The following PCCB variants were observed in gnomAD, a reference collection of about 807,000 sequenced individuals.
PCCB encodes propionyl-CoA carboxylase subunit beta, also known as propionyl-CoA carboxylase beta chain, mitochondrial.
PCCB carries 43 observed loss-of-function variants against 60.7 expected under a neutral mutation model. The ratio of observed to expected loss-of-function variants is 0.71; its 90% CI spans 0.55 to 0.91. The LOEUF is 0.91. PCCB is among the 40% of genes least tolerant of loss of function. PCCB has a pLI of 0.00. For missense variants in PCCB, 766 were observed against 702.8 expected, an observed-to-expected ratio of 1.09 and a Z score of -1.02; for synonymous variants, 276 against 255.9, an observed-to-expected ratio of 1.08 and a Z score of -0.75.
intron 10 of PCCB, among the ~76,000 whole-genome samples, chr3:136,317,689 A>T (rs985992279): frequency 2.0e-5 from 3 of 152,162 alleles, no homozygotes; most frequent in Non-Finnish European, 4.4e-5. Context: ...CCCACTAATC[A>T]TGAGCTCCAT....
intron 9 of PCCB, among the ~76,000 whole-genome samples, chr3:136,308,310 C>T (rs554621541): frequency 8.6e-5 from 13 of 151,196 alleles, no homozygotes; most frequent in South Asian, 4.2e-4. Flanking sequence ...CTCAGCCCAC[C>T]GCAACTTCCA....
chr3:136,303,683 A>G lies in PCCB; in HGVS notation c.966+2572A>G, dbSNP rs1576343545. On this transcript the variant is annotated intron_variant, in intron 9 of 14. Coordinates refer to ENST00000251654, the MANE Select transcript of PCCB (RefSeq NM_000532.5). ...CGGTGGCACAATCTCTACTCACTGC[A>G]ACCCCTGCCTCCTGGGTTCAACCAA... Among the ~76,000 whole-genome samples, 4 of 121,988 alleles carry G rather than the reference A, an allele frequency of 3.3e-5. 2 individuals are homozygous for G. The East Asian group carries it at 2.4e-3, about 73-fold the overall frequency. The allele number at this position is 121,988 out of a possible 152,430, so 80.0% of individuals were successfully genotyped here.
At chr3:136,294,246 G>T (rs1933835473) in intron 7 of PCCB, among the ~76,000 whole-genome samples, 1 of 152,092 alleles carries the variant, frequency 6.6e-6, no homozygotes, top group Non-Finnish European at 1.5e-5. Context: ...GTACATAAGT[G>T]TTTTCCAATC....
At chr3:136,310,617 A>G (rs995187395) in intron 9 of PCCB, among the ~76,000 whole-genome samples, 3 of 152,254 alleles carry the variant, frequency 2.0e-5, no homozygotes, top group African/African-American at 7.2e-5. Context: ...CTTCCAGAGC[A>G]TAGAAAGTAA....
rs3994953 is a variant in PCCB, at chr3:136,254,518, CTTTTTTTTTTTTT to C, written c.184-1320_184-1308del. Among the ~76,000 whole-genome samples the C allele has an allele frequency of 6.3e-4, 29 of 45,928 alleles. 1 individual carries two copies. The highest frequency in any genetic ancestry group is 0.019 in the Middle Eastern group (1 of 52). 30.1% of individuals were successfully genotyped at this position (45,928 alleles called of 152,430 possible). The stretch of plus-strand genomic sequence containing the variant: ...TACAGGTGTGAGCCACTGCGGCTAG[CTTTTTTTTTTTTT>C]TTTTTTTTTTTTTTTTTAAAAGACA... On this transcript the variant is annotated intron_variant, in intron 1 of 14. Coordinates refer to ENST00000251654, the MANE Select transcript of PCCB (RefSeq NM_000532.5).
At chr3:136,288,512 AT>A (rs1191082031) in intron 6 of PCCB, among the ~76,000 whole-genome samples, 180 of 145,672 alleles carry the variant, frequency 1.2e-3, no homozygotes, top group Non-Finnish European at 1.2e-3. Flanking sequence ...TGCCTGCCTA[AT>A]TTTTTTTTTT....
At chr3:136,295,684 C>T (rs1197100798) in intron 7 of PCCB, among the ~76,000 whole-genome samples, 1 of 152,168 alleles carries the variant, frequency 6.6e-6, no homozygotes, top group African/African-American at 2.4e-5. Flanking sequence ...AGAAAACATA[C>T]AAAGCATAAA....
intron 1 of PCCB, chr3:136,252,526 A>ATTT: frequency 3.2e-5 from 9 of 285,296 alleles, no homozygotes; most frequent in Admixed American, 1.5e-4. Flanking sequence ...GGATGACAGA[A>ATTT]TTTTTTTTTT....
intron 1 of PCCB, 102 bp from the exon 2 acceptor site, chr3:136,255,754 C>A: frequency 1.0e-6 from 1 of 988,744 alleles, no homozygotes; most frequent in Non-Finnish European, 1.6e-6. Context: ...GCATTGAGAT[C>A]AACGGGCAAA....
chr3:136,271,316 G>C (rs1199801939), intron 5 of PCCB, among the ~76,000 whole-genome samples: 1 of 152,014 alleles, frequency 6.6e-6, no homozygotes, highest in Non-Finnish European at 1.5e-5. Context: ...GCTTAGTATT[G>C]CTTTGGCTAT....
intron 7 of PCCB, among the ~76,000 whole-genome samples, chr3:136,295,149 A>G (rs551730201): frequency 9.2e-5 from 14 of 152,328 alleles, no homozygotes; most frequent in South Asian, 4.1e-4. Flanking sequence ...CCACACAGCA[A>G]TGTAACTAAA....
chr3:136,317,339 G>C (rs1345713912), intron 10 of PCCB, among the ~76,000 whole-genome samples: 2 of 141,146 alleles, frequency 1.4e-5, no homozygotes, highest in Non-Finnish European at 3.0e-5. Flanking sequence ...CTTCCACCTC[G>C]GCCTCCCGAG....
chr3:136,297,960 C>T lies in PCCB; in HGVS notation c.772C>T (p.His258Tyr). ...GCTCCCTGTTCTCTTAGGTGTGGCC[C>T]ACAGAGCTTTTGAAAATGATGTTGA... ...KTHTTMSGVAHRAFENDVDAL... is the reference protein window; with the variant it reads ...KTHTTMSGVAYRAFENDVDAL... The change falls in exon 8 of 15, where the codon CAC (histidine) becomes TAC (tyrosine). Residue 258 changes from histidine (H) to tyrosine (Y), a missense_variant. Transcript: ENST00000251654. The T allele has an allele frequency of 6.2e-7, 1 of 1,614,136 alleles. No homozygotes were observed. Among genetic ancestry groups the T allele is most frequent in the Non-Finnish European group, 8.5e-7 (1 of 1,179,992 alleles).
intron 6 of PCCB, among the ~76,000 whole-genome samples, chr3:136,290,123 C>T (rs1933606871): frequency 6.6e-6 from 1 of 152,126 alleles, no homozygotes; most frequent in South Asian, 2.1e-4. Context: ...AATGCTCTTT[C>T]TTTCTTTATG....
intron 5 of PCCB, among the ~76,000 whole-genome samples, chr3:136,268,136 A>ATATATATATATC (rs1553775786): frequency 7.8e-6 from 1 of 128,586 alleles, no homozygotes; most frequent in Non-Finnish European, 1.6e-5. Context: ...ATATATATAT[A>ATATATATATATC]TATATCTACA....
intron 6 of PCCB, among the ~76,000 whole-genome samples, chr3:136,286,576 C>A (rs1393382336): frequency 1.3e-5 from 2 of 152,202 alleles, no homozygotes; most frequent in Admixed American, 1.3e-4. Context: ...GCTATCACAT[C>A]CCAAATTTAG....
chr3:136,320,107 GTA>G lies in PCCB; in HGVS notation c.1090+3047_1090+3048del, dbSNP rs1252537647. 3.3e-5 allele frequency among the ~76,000 whole-genome samples: 5 copies of G among 152,302 alleles called. No individual in the cohort carries two copies. The East Asian group carries it at 7.7e-4, about 23-fold the overall frequency. ...ACACTGTTTTGATTACTGTAGCTTT[GTA>G]TATGTTTTGAAATTGGGAAGTGTGT... On this transcript the variant is annotated intron_variant, in intron 10 of 14. Transcript: ENST00000251654.
At chr3:136,306,540 A>G (rs1934455180) in intron 9 of PCCB, among the ~76,000 whole-genome samples, 1 of 122,902 alleles carries the variant, frequency 8.1e-6, no homozygotes. Flanking sequence ...TCTCACCACA[A>G]AAAAGTATGT....
At chr3:136,256,042 A>G in intron 2 of PCCB, 67 bp downstream of exon 2, 17 of 1,610,348 alleles carry the variant, frequency 1.1e-5, no homozygotes, top group Non-Finnish European at 1.4e-5. Context: ...CACTAGAATA[A>G]TAATAAATCT....
Sources: gnomAD v4.1 joint callset for allele counts (sites outside exome capture counted in the v4.1 genomes callset) on GRCh38, gnomAD v4.1.1 for gene constraint, MANE v1.5 for transcripts, NCBI Gene and HGNC (gene_info 2026-07-23, HGNC 2026-07-21) for gene names.